PTH2R: variants seen among roughly 807,000 people sequenced by gnomAD.
The protein encoded by PTH2R is PTH2 receptor.
A neutral mutation model predicts 60.3 loss-of-function variants in PTH2R; 59 were observed. The observed-to-expected ratio is 0.98, with a 90% CI of 0.79 to 1.22. PTH2R has a LOEUF of 1.22. Ranked by LOEUF, PTH2R falls within the 50% of genes most tolerant of loss-of-function variation. The pLI, the probability that PTH2R is intolerant of heterozygous loss-of-function variation, is 0.00. For missense variants in PTH2R, 749 were observed against 682.6 expected, an observed-to-expected ratio of 1.10 and a Z score of -1.08; for synonymous variants, 256 against 243.8, an observed-to-expected ratio of 1.05 and a Z score of -0.47.
intron 2 of PTH2R, among the ~76,000 whole-genome samples, chr2:208,429,348 AT>A: frequency 6.6e-6 from 1 of 152,258 alleles, no homozygotes; most frequent in East Asian, 1.9e-4. Flanking sequence ...TCAACTTTTC[AT>A]TGAAAAATTC....
chr2:208,376,173 G>C (rs1700787611), intron 1 of PTH2R, among the ~76,000 whole-genome samples: 1 of 152,096 alleles, frequency 6.6e-6, no homozygotes, highest in Non-Finnish European at 1.5e-5. Context: ...TGGTATTTCT[G>C]TGTTTTTTCA....
intron 1 of PTH2R, among the ~76,000 whole-genome samples, chr2:208,386,929 C>T (rs997247308): frequency 6.6e-6 from 1 of 152,130 alleles, no homozygotes; most frequent in Non-Finnish European, 1.5e-5. Context: ...CAGCTCATAA[C>T]AGGTAAGGTA....
chr2:208,381,528 T>C (rs997626037), intron 1 of PTH2R, among the ~76,000 whole-genome samples: 1 of 152,224 alleles, frequency 6.6e-6, no homozygotes, highest in African/African-American at 2.4e-5. Flanking sequence ...GCTTAAGTGA[T>C]CCTCCTGCCT....
At chr2:208,453,765 G>T (rs1162005351) in intron 8 of PTH2R, among the ~76,000 whole-genome samples, 1 of 152,186 alleles carries the variant, frequency 6.6e-6, no homozygotes, top group Non-Finnish European at 1.5e-5. Flanking sequence ...TCTGTGAGAT[G>T]AGAATAATAT....
intron 9 of PTH2R, among the ~76,000 whole-genome samples, chr2:208,462,703 T>C (rs1198974119): frequency 6.6e-6 from 1 of 152,188 alleles, no homozygotes; most frequent in Non-Finnish European, 1.5e-5. Flanking sequence ...GCATTGGAAG[T>C]AAATAATAAA....
chr2:208,445,694 T>C (rs1018329075), intron 7 of PTH2R, among the ~76,000 whole-genome samples: 1 of 152,182 alleles, frequency 6.6e-6, no homozygotes, highest in African/African-American at 2.4e-5. Flanking sequence ...GAAGGTTTTT[T>C]TCCTCTCCAA....
At chr2:208,407,194 A>T (rs997866094) in intron 1 of PTH2R, 76 bp downstream of exon 1, 14 of 1,278,396 alleles carry the variant, frequency 1.1e-5, no homozygotes, top group African/African-American at 1.5e-5. Flanking sequence ...CACGGAGGCC[A>T]GGTGCGCGCG....
intron 1 of PTH2R, among the ~76,000 whole-genome samples, chr2:208,409,827 C>A (rs1296867679): frequency 1.3e-5 from 2 of 152,052 alleles, no homozygotes; most frequent in Non-Finnish European, 2.9e-5. Context: ...GTAATGAGGA[C>A]CACTATATAA....
chr2:208,428,181 T>C lies in PTH2R; in HGVS notation c.76-20T>C, dbSNP rs1450768725. 1 of 1,555,648 alleles carries C rather than the reference T, an allele frequency of 6.4e-7. No homozygotes were observed. Among genetic ancestry groups the C allele is most frequent in the Non-Finnish European group, 8.8e-7 (1 of 1,130,618 alleles). The stretch of plus-strand genomic sequence containing the variant: ...TGAAAAAACATGATGAAAATGTTTG[T>C]ATTTTGTTCACTTCTACAGCTGGAT... On this transcript the variant is annotated intron_variant, in intron 1 of 12. Coordinates refer to ENST00000272847, the MANE Select transcript of PTH2R (RefSeq NM_005048.4).
At chr2:208,364,732 T>C (rs1472735673) in intron 1 of PTH2R, among the ~76,000 whole-genome samples, 1 of 152,208 alleles carries the variant, frequency 6.6e-6, no homozygotes, top group Non-Finnish European at 1.5e-5. Flanking sequence ...TGATAAGGAT[T>C]GAATTGAATC....
chr2:208,416,409 T>G (rs1701641815), intron 1 of PTH2R, among the ~76,000 whole-genome samples: 1 of 152,252 alleles, frequency 6.6e-6, no homozygotes, highest in Admixed American at 6.5e-5. Context: ...TTGTTCACCC[T>G]TACGAACTTA....
chr2:208,442,806 A>G (rs1702212995), intron 5 of PTH2R, among the ~76,000 whole-genome samples: 1 of 152,206 alleles, frequency 6.6e-6, no homozygotes, highest in South Asian at 2.1e-4. Context: ...ATTATTGGAT[A>G]CCAGCACATA....
chr2:208,454,968 C>T (rs1702481444), intron 8 of PTH2R, among the ~76,000 whole-genome samples: 1 of 152,172 alleles, frequency 6.6e-6, no homozygotes, highest in South Asian at 2.1e-4. Flanking sequence ...TAGAACTGTA[C>T]AGAGTCATTG....
chr2:208,477,880 T>A lies in PTH2R; in HGVS notation c.982-3190T>A, dbSNP rs377641497. 3.5e-4 allele frequency among the ~76,000 whole-genome samples: 51 copies of A among 146,832 alleles called. 1 individual carries two copies. In the East Asian group the frequency reaches 5.9e-3, roughly 17 times the overall value. ...AGAATTATGTCTTAATTTAAAAAAA[T>A]TACTACTAGTACTAGCACTACTACT... On this transcript the variant is annotated intron_variant, in intron 9 of 12. Coordinates refer to ENST00000272847, the MANE Select transcript of PTH2R (RefSeq NM_005048.4).
At chr2:208,469,907 A>C (rs1702843188) in intron 9 of PTH2R, 1 of 152,234 alleles carries the variant, frequency 6.6e-6, no homozygotes, top group South Asian at 2.1e-4. Context: ...CCTGAAGAGC[A>C]GGAGATGCTG....
At chr2:208,366,727 C>T (rs1159485721) in intron 1 of PTH2R, among the ~76,000 whole-genome samples, 2 of 152,178 alleles carry the variant, frequency 1.3e-5, no homozygotes, top group African/African-American at 4.8e-5. Flanking sequence ...TTCACACTTC[C>T]TCTTGTGAAA....
chr2:208,391,364 G>A (rs1483081984), intron 1 of PTH2R, among the ~76,000 whole-genome samples: 1 of 152,200 alleles, frequency 6.6e-6, no homozygotes, highest in Non-Finnish European at 1.5e-5. Context: ...CAAGGAAGGT[G>A]AGTTTCTTGG....
intron 1 of PTH2R, among the ~76,000 whole-genome samples, chr2:208,370,336 G>A (rs144269776): frequency 0.059 from 8,748 of 147,462 alleles, 333 homozygotes; most frequent in Non-Finnish European, 0.082. Context: ...CCAGCTACTT[G>A]GGAGGCTGAG....
intron 1 of PTH2R, among the ~76,000 whole-genome samples, chr2:208,409,231 A>C (rs969529646): frequency 2.6e-5 from 4 of 152,212 alleles, no homozygotes; most frequent in Non-Finnish European, 5.9e-5. Context: ...TTACATTGAC[A>C]AACTGATACA....
Sources: allele counts gnomAD v4.1 joint callset (sites outside exome capture counted in the v4.1 genomes callset), GRCh38; gene constraint gnomAD v4.1.1; transcripts MANE v1.5; gene names NCBI Gene and HGNC (gene_info 2026-07-23, HGNC 2026-07-21).